MBD5: variants seen among roughly 807,000 people sequenced by gnomAD.
MBD5 encodes methyl-CpG-binding domain protein 5.
MBD5 carries 13 observed loss-of-function variants against 117.3 expected under a neutral mutation model. That is an observed-to-expected ratio of 0.11 (90% CI 0.07 to 0.18). The LOEUF (loss-of-function observed/expected upper bound fraction) is 0.18, where lower values mean the gene tolerates loss of function less well. Among genes scored for constraint, MBD5 ranks in the 10% least tolerant of loss-of-function variants. The probability of loss-of-function intolerance (pLI) is 1.00; values close to 1 mark genes in which losing one functional copy is unlikely to be tolerated. For synonymous variants in MBD5, 727 were observed against 766.4 expected (o/e 0.95, Z 0.85); for missense variants, 1,879 against 2,093.8 (o/e 0.90, Z 2.00).
intron 3 of MBD5, among the ~76,000 whole-genome samples, chr2:148,256,961 C>T (rs1260834556): frequency 1.3e-5 from 2 of 152,192 alleles, no homozygotes; most frequent in African/African-American, 4.8e-5. Context: ...TTCAGGGGGT[C>T]GTTACCCATG....
At chr2:148,148,362 T>C (rs1479758019) in intron 1 of MBD5, among the ~76,000 whole-genome samples, 1 of 152,212 alleles carries the variant, frequency 6.6e-6, no homozygotes, top group Non-Finnish European at 1.5e-5. Context: ...GCTTTTGGCC[T>C]ACTATACAAC....
intron 1 of MBD5, among the ~76,000 whole-genome samples, chr2:148,069,036 G>C (rs918678470): frequency 6.6e-6 from 1 of 152,034 alleles, no homozygotes; most frequent in Non-Finnish European, 1.5e-5. Context: ...TTAAATTTTT[G>C]TCTGTGTTAC....
At chr2:148,370,228 T>G (rs917786829) in intron 4 of MBD5, among the ~76,000 whole-genome samples, 2 of 152,142 alleles carry the variant, frequency 1.3e-5, no homozygotes, top group African/African-American at 2.4e-5. Context: ...TATCAAAATA[T>G]CCTCAATTTT....
chr2:148,185,504 A>G (rs1173466258), intron 2 of MBD5, among the ~76,000 whole-genome samples: 1 of 152,208 alleles, frequency 6.6e-6, no homozygotes, highest in Non-Finnish European at 1.5e-5. Flanking sequence ...TTTAATCATG[A>G]TATTGGAAAA....
intron 1 of MBD5, among the ~76,000 whole-genome samples, chr2:148,148,593 TATTA>T (rs1181185864): frequency 6.6e-6 from 1 of 152,200 alleles, no homozygotes; most frequent in Non-Finnish European, 1.5e-5. Context: ...ATTTTTCCTT[TATTA>T]ATATTCTCCC....
chr2:148,270,731 A>G (rs957209217), intron 3 of MBD5, among the ~76,000 whole-genome samples: 1 of 151,600 alleles, frequency 6.6e-6, no homozygotes, highest in African/African-American at 2.4e-5. Context: ...TTTTGTTTTC[A>G]GCCTCATAGG....
intron 4 of MBD5, among the ~76,000 whole-genome samples, chr2:148,419,923 A>G (rs930575133): frequency 1.3e-5 from 2 of 152,116 alleles, no homozygotes; most frequent in Non-Finnish European, 2.9e-5. Flanking sequence ...ACTCATTTCT[A>G]TCAGCTTCCC....
intron 1 of MBD5, among the ~76,000 whole-genome samples, chr2:148,153,035 C>T (rs1330935521): frequency 3.3e-5 from 5 of 151,710 alleles, no homozygotes; most frequent in Non-Finnish European, 5.9e-5. Flanking sequence ...TTCCTAGTCT[C>T]GATGGTCTTT....
At chr2:148,277,141 A>G (rs1701134535) in intron 3 of MBD5, among the ~76,000 whole-genome samples, 1 of 152,156 alleles carries the variant, frequency 6.6e-6, no homozygotes, top group Non-Finnish European at 1.5e-5. Context: ...ATCTGGTTCA[A>G]TGAATAATAA....
intron 4 of MBD5, among the ~76,000 whole-genome samples, chr2:148,454,459 T>C (rs936590280): frequency 6.6e-6 from 1 of 152,194 alleles, no homozygotes; most frequent in Non-Finnish European, 1.5e-5. Context: ...TGTTGAATTT[T>C]AGAAAAGCAA....
chr2:148,189,333 A>G (rs1014621187), intron 2 of MBD5, among the ~76,000 whole-genome samples: 3 of 151,230 alleles, frequency 2.0e-5, no homozygotes, highest in African/African-American at 7.4e-5. Context: ...GACAGCAGTA[A>G]CCTCTGAGAC....
At chr2:148,038,678 A>C (rs1694267543) in intron 1 of MBD5, among the ~76,000 whole-genome samples, 1 of 151,972 alleles carries the variant, frequency 6.6e-6, no homozygotes, top group Non-Finnish European at 1.5e-5. Context: ...GTTTATAATA[A>C]GTTAGAAAGC....
chr2:148,065,058 T>G (rs1473603799), intron 1 of MBD5, among the ~76,000 whole-genome samples: 1 of 152,096 alleles, frequency 6.6e-6, no homozygotes, highest in African/African-American at 2.4e-5. Flanking sequence ...GAGATGGAGT[T>G]GCACAGCCAG....
intron 3 of MBD5, among the ~76,000 whole-genome samples, chr2:148,338,236 A>C (rs1702846866): frequency 6.6e-6 from 1 of 152,162 alleles, no homozygotes; most frequent in African/African-American, 2.4e-5. Context: ...AATATTTAAA[A>C]TTTCCCAGTT....
At chr2:148,412,186 C>T (rs1256120852) in intron 4 of MBD5, among the ~76,000 whole-genome samples, 1 of 151,844 alleles carries the variant, frequency 6.6e-6, no homozygotes. Flanking sequence ...TACTTCTGGG[C>T]TCTCTATTCT....
At chr2:148,194,843 A>G (rs1184841204) in intron 2 of MBD5, among the ~76,000 whole-genome samples, 8 of 152,152 alleles carry the variant, frequency 5.3e-5, no homozygotes, top group African/African-American at 1.9e-4. Flanking sequence ...TGCTAAACTT[A>G]GAACCAACTA....
intron 1 of MBD5, among the ~76,000 whole-genome samples, chr2:148,103,537 A>G (rs1410626990): frequency 6.6e-6 from 1 of 152,144 alleles, no homozygotes; most frequent in Non-Finnish European, 1.5e-5. Flanking sequence ...ATGTTGCGAT[A>G]CATGCTACAT....
At chr2:148,470,566 A>C in intron 8 of MBD5, 105 bp downstream of exon 8, 1 of 894,412 alleles carries the variant, frequency 1.1e-6, no homozygotes, top group Non-Finnish European at 1.6e-6. Flanking sequence ...TCCTTTCCCC[A>C]TTGTGAAATT....
chr2:148,390,601 G>T (rs1017909636), intron 4 of MBD5, among the ~76,000 whole-genome samples: 1 of 149,220 alleles, frequency 6.7e-6, no homozygotes, highest in Admixed American at 6.7e-5. Flanking sequence ...TTTGAGATGG[G>T]GTCTCACTCT....
Sources: gnomAD v4.1 joint callset for allele counts (sites outside exome capture counted in the v4.1 genomes callset) on GRCh38, gnomAD v4.1.1 for gene constraint, MANE v1.5 for transcripts, NCBI Gene and HGNC (gene_info 2026-07-23, HGNC 2026-07-21) for gene names.